DLGAP1: variants seen among roughly 807,000 people sequenced by gnomAD.
DLGAP1 encodes DLG associated protein 1.
In DLGAP1, 11 loss-of-function variants were observed where a neutral mutation model predicts 90.8. The observed-to-expected ratio is 0.12, with a 90% CI of 0.08 to 0.20. The LOEUF is 0.20. Ranked by LOEUF, DLGAP1 falls within the 10% of genes least tolerant of loss-of-function variation. The pLI is 1.00. For synonymous variants in DLGAP1, 558 were observed against 540.7 expected (o/e 1.03, Z -0.44); for missense variants, 1,050 against 1,333.8 (o/e 0.79, Z 3.31).
intron 1 of DLGAP1, among the ~76,000 whole-genome samples, chr18:4,424,883 A>G (rs1664305921): frequency 6.6e-6 from 1 of 152,086 alleles, no homozygotes; most frequent in African/African-American, 2.4e-5. Flanking sequence ...AAATTTCCCT[A>G]GCAGCATCCA....
At chr18:3,815,939 GT>G (rs752121312) in intron 4 of DLGAP1, among the ~76,000 whole-genome samples, 6 of 152,166 alleles carry the variant, frequency 3.9e-5, no homozygotes, top group Non-Finnish European at 7.3e-5. Context: ...AGCAGTAATG[GT>G]GATGGGAAAG....
chr18:3,926,944 C>T (rs965528402), intron 3 of DLGAP1, among the ~76,000 whole-genome samples: 5 of 152,062 alleles, frequency 3.3e-5, no homozygotes, highest in African/African-American at 1.2e-4. Context: ...GGGGACATAT[C>T]AAAATGACAT....
At chr18:4,390,943 T>A (rs896560629) in intron 1 of DLGAP1, among the ~76,000 whole-genome samples, 22 of 152,190 alleles carry the variant, frequency 1.4e-4, no homozygotes, top group African/African-American at 5.3e-4. Context: ...CAGCCTGCGC[T>A]CATCTTGGAA....
chr18:3,599,816 A>G (rs1166628457), intron 7 of DLGAP1, among the ~76,000 whole-genome samples: 1 of 151,842 alleles, frequency 6.6e-6, no homozygotes, highest in East Asian at 1.9e-4. Context: ...ATGTAGTTTC[A>G]CCATGTGGGC....
intron 1 of DLGAP1, chr18:4,265,024 T>G (rs1801430023): frequency 6.6e-6 from 1 of 152,238 alleles, no homozygotes; most frequent in Non-Finnish European, 1.5e-5. Flanking sequence ...CTCCCCTTCC[T>G]TTCTCTGTGC....
chr18:4,113,018 G>A (rs968561079), intron 2 of DLGAP1, among the ~76,000 whole-genome samples: 1 of 152,094 alleles, frequency 6.6e-6, no homozygotes, highest in Non-Finnish European at 1.5e-5. Flanking sequence ...TTGCTGATGG[G>A]CAACTAGGTT....
intron 4 of DLGAP1, among the ~76,000 whole-genome samples, chr18:3,865,289 T>C (rs2070316626): frequency 6.6e-6 from 1 of 152,222 alleles, no homozygotes; most frequent in Non-Finnish European, 1.5e-5. Context: ...ACAATTAGGC[T>C]GGCAGTCTCA....
In DLGAP1 at chr18:3,828,547, A is replaced by G. The variant is rs192510367; in HGVS notation, c.958-14274T>C. On this transcript the variant is annotated intron_variant, in intron 4 of 12. Coordinates refer to ENST00000315677, the MANE Select transcript of DLGAP1 (RefSeq NM_004746.4). ...CCTAGCTACTTGGGAGGCTGAGGTGAGAGGATCTCCTGAGCCTAGGAGCTG... is the reference window on the plus strand; with the variant it reads ...CCTAGCTACTTGGGAGGCTGAGGTGGGAGGATCTCCTGAGCCTAGGAGCTG... Among the ~76,000 whole-genome samples, 145 of 146,176 alleles carry G rather than the reference A, an allele frequency of 9.9e-4. 1 individual carries two copies. The highest frequency in any genetic ancestry group is 3.4e-3 in the African/African-American group (136 of 40,066).
At chr18:3,916,448 C>G (rs2072146806) in intron 3 of DLGAP1, among the ~76,000 whole-genome samples, 1 of 152,150 alleles carries the variant, frequency 6.6e-6, no homozygotes, top group Non-Finnish European at 1.5e-5. Context: ...ACAACAGTCA[C>G]AACTCGGTTC....
chr18:3,926,411 T>TACAC (rs1302685888), intron 3 of DLGAP1, among the ~76,000 whole-genome samples: 34 of 51,718 alleles, frequency 6.6e-4, no homozygotes, highest in East Asian at 4.1e-3. Context: ...CATATATATA[T>TACAC]ATATATATAT....
At chr18:3,992,131 A>G (rs1042638875) in intron 3 of DLGAP1, among the ~76,000 whole-genome samples, 1 of 152,116 alleles carries the variant, frequency 6.6e-6, no homozygotes, top group African/African-American at 2.4e-5. Flanking sequence ...GTTCATTAAA[A>G]ATCTCCTACT....
At chr18:3,564,238 T>C (rs1452134527) in intron 9 of DLGAP1, among the ~76,000 whole-genome samples, 1 of 152,260 alleles carries the variant, frequency 6.6e-6, no homozygotes, top group Non-Finnish European at 1.5e-5. Flanking sequence ...TACAGTTCTA[T>C]GATTAGTCTC....
chr18:3,752,179 C>T (rs568302527), intron 5 of DLGAP1, among the ~76,000 whole-genome samples: 86 of 152,082 alleles, frequency 5.7e-4, no homozygotes, highest in South Asian at 8.3e-4. Context: ...CCACCACGGC[C>T]GGCTCATAAA....
At chr18:4,364,830 T>C (rs1239770481) in intron 1 of DLGAP1, among the ~76,000 whole-genome samples, 1 of 151,944 alleles carries the variant, frequency 6.6e-6, no homozygotes, top group Non-Finnish European at 1.5e-5. Context: ...GCCTTAGCTG[T>C]GTCCCAGTGA....
chr18:4,296,149 C>T (rs1012313394), intron 1 of DLGAP1, among the ~76,000 whole-genome samples: 1 of 152,180 alleles, frequency 6.6e-6, no homozygotes, highest in South Asian at 2.1e-4. Context: ...CACATTATGG[C>T]CCCACCACCC....
rs2049743283 is a variant in DLGAP1 at position 3,497,772 on chromosome 18, T to A, written c.*1413A>T. ...GCTAGACACCGATGCATACTGCCCA[T>A]CAATCAAGACTAAAAATCTAAATCA... On this transcript the variant is annotated 3_prime_UTR_variant, in exon 13 of 13. Transcript: ENST00000315677. 6.6e-6 allele frequency: 1 copy of A among 152,288 alleles called. No individual in the cohort carries two copies. Among genetic ancestry groups the A allele is most frequent in the South Asian group, 2.1e-4 (1 of 4,832 alleles). 9.4% of individuals were successfully genotyped at this position (152,288 alleles called of 1,614,324 possible).
At chr18:3,798,013 C>T (rs58447396) in intron 5 of DLGAP1, among the ~76,000 whole-genome samples, 2,833 of 152,248 alleles carry the variant, frequency 0.019, 76 homozygotes, top group African/African-American at 0.065. Flanking sequence ...TTGCCTTCTG[C>T]CATGATTGTG....
chr18:3,932,605 C>A (rs1337462089), intron 3 of DLGAP1, among the ~76,000 whole-genome samples: 1 of 152,136 alleles, frequency 6.6e-6, no homozygotes, highest in Admixed American at 6.5e-5. Context: ...GTGACAAGGG[C>A]AGCAAGGACA....
chr18:3,975,426 G>T (rs1447405138), intron 3 of DLGAP1, among the ~76,000 whole-genome samples: 1 of 152,096 alleles, frequency 6.6e-6, no homozygotes, highest in Non-Finnish European at 1.5e-5. Flanking sequence ...TGTTAGGATG[G>T]TTATTATTGA....
Sources: gnomAD v4.1 joint callset for allele counts (sites outside exome capture counted in the v4.1 genomes callset) on GRCh38, gnomAD v4.1.1 for gene constraint, MANE v1.5 for transcripts, NCBI Gene and HGNC (gene_info 2026-07-23, HGNC 2026-07-21) for gene names.